SLC6A16: variants seen among roughly 807,000 people sequenced by gnomAD.
The protein encoded by SLC6A16 is orphan sodium- and chloride-dependent neurotransmitter transporter NTT5.
SLC6A16 carries 54 observed loss-of-function variants against 65.4 expected under a neutral mutation model. That is an observed-to-expected ratio of 0.83 (90% confidence interval 0.66 to 1.04). The LOEUF (loss-of-function observed/expected upper bound fraction) is 1.04. Among genes scored for constraint, SLC6A16 ranks in the 50% least tolerant of loss-of-function variants. SLC6A16 has a pLI of 0.00. For synonymous variants in SLC6A16, 330 were observed against 346.5 expected, an observed-to-expected ratio of 0.95 and a Z score of 0.53; for missense variants, 816 against 914.0, an observed-to-expected ratio of 0.89 and a Z score of 1.38.
At chr19:49,331,831 G>A in the SLC6A16 span, 1 of 456,988 alleles carries the variant, frequency 2.2e-6, no homozygotes, top group African/African-American at 2.0e-5. Flanking sequence ...CCTCCTGTGT[G>A]CCTAGGAAAG....
chr19:49,337,304 A>T, the SLC6A16 span: 1 of 1,340,438 alleles, frequency 7.5e-7, no homozygotes, highest in Non-Finnish European at 1.1e-6. Flanking sequence ...AGAGAGACCG[A>T]AACAAGGGCA....
At chr19:49,340,098 C>A in the SLC6A16 span, 1 of 1,529,600 alleles carries the variant, frequency 6.5e-7, no homozygotes, top group East Asian at 2.4e-5. Context: ...CGGCAGTTCC[C>A]GTCGAGCCCC....
intron 7 of SLC6A16, among the ~76,000 whole-genome samples, chr19:49,298,264 G>T (rs1316392380): frequency 6.6e-6 from 1 of 152,136 alleles, no homozygotes; most frequent in Non-Finnish European, 1.5e-5. Context: ...AGATAAGTGG[G>T]ATCCAATTAA....
chr19:49,310,332 G>A, intron 3 of SLC6A16, 21 bp downstream of exon 3: 1 of 1,613,244 alleles, frequency 6.2e-7, no homozygotes, highest in Non-Finnish European at 8.5e-7. Context: ...AGTCAGGCCT[G>A]GGCAGCCATG....
At position 49,302,600 on chromosome 19, in the gene SLC6A16, C is replaced by T. The variant is rs1961705160; in HGVS notation, c.1229+6276G>A. 1.3e-5 allele frequency among the ~76,000 whole-genome samples: 2 copies of T among 152,208 alleles called. 1 individual carries two copies. The highest frequency in any genetic ancestry group is 1.3e-4 in the Admixed American group (2 of 15,284). On this transcript the variant is annotated intron_variant, in intron 7 of 11. Coordinates refer to ENST00000335875, the MANE Select transcript of SLC6A16 (RefSeq NM_014037.3). The stretch of plus-strand genomic sequence containing the variant: ...ATGAAGAATTGGAGAATCATGATAA[C>T]ACCAAAGGAAAACAATAAACTTCCA...
rs369609737 is a variant in SLC6A16 at position 49,290,701 on chromosome 19, G to A, written c.1845C>T (p.Pro615=). 21 of 1,613,666 alleles carry A rather than the reference G, an allele frequency of 1.3e-5. No individual in the cohort carries two copies. The African/African-American group carries it at 2.7e-4, about 21-fold the overall frequency. ...TTAGCAGCACAACTGGACACAGATG[G>A]GGCCACAGCCAACCAAAGATGGGAG... The part of the protein sequence containing the change: ...PISPIFGWLW[P]HLCPVVLLII... The change falls in exon 11 of 12, where the codon CCC becomes CCT. Residue 615 remains proline, a synonymous_variant. Coordinates refer to ENST00000335875, the MANE Select transcript of SLC6A16 (RefSeq NM_014037.3).
intron 7 of SLC6A16, among the ~76,000 whole-genome samples, chr19:49,301,450 C>T (rs1970290863): frequency 6.6e-6 from 1 of 152,186 alleles, no homozygotes; most frequent in African/African-American, 2.4e-5. Flanking sequence ...ACAGCGCCCC[C>T]TAGTGGCCTG....
intron 1 of SLC6A16, among the ~76,000 whole-genome samples, chr19:49,322,221 A>C (rs1970723575): frequency 6.6e-6 from 1 of 152,234 alleles, no homozygotes; most frequent in Admixed American, 6.5e-5. Context: ...AATTCAGCAA[A>C]GTAGCAGGAT....
At chr19:49,300,899 A>G (rs923919357) in intron 7 of SLC6A16, among the ~76,000 whole-genome samples, 5 of 152,070 alleles carry the variant, frequency 3.3e-5, no homozygotes, top group Admixed American at 2.0e-4. Context: ...AAAAAATACA[A>G]AAATTAGCTG....
Position 49,311,364 on chromosome 19 carries a change from GGGGCAGCTCCCGC to G in SLC6A16, c.-30_-18del, listed in dbSNP as rs1265179750. On this transcript the variant is annotated 5_prime_UTR_variant, in exon 2 of 12. It introduces an in-frame stop codon into an upstream open reading frame of the 5' UTR. Coordinates refer to ENST00000335875, the MANE Select transcript of SLC6A16 (RefSeq NM_014037.3). ...TGTCTTCATCTCACACAGACTCTCT[GGGGCAGCTCCCGC>G]TTCTGCAAGGGAGGGTTCATCTTCC... is the stretch of plus-strand genomic sequence containing the variant. 6.5e-7 allele frequency: 1 copy of G among 1,540,406 alleles called. No individual in the cohort carries two copies. Among genetic ancestry groups the G allele is most frequent in the Non-Finnish European group, 8.7e-7 (1 of 1,144,946 alleles).
rs537332627 is a variant in SLC6A16, at chr19:49,299,162, C to T, written c.1230-4609G>A. Among the ~76,000 whole-genome samples, 34 of 151,380 alleles carry T rather than the reference C, an allele frequency of 2.2e-4. 1 individual carries two copies. In the South Asian group the frequency reaches 2.5e-3, roughly 11 times the overall value. ...TCGGGAGGCTGAGGCAGGAGAATGG[C>T]GTGAACCCGGGAGGCAGAGGTTACA... On this transcript the variant is annotated intron_variant, in intron 7 of 11. Coordinates refer to ENST00000335875, the MANE Select transcript of SLC6A16 (RefSeq NM_014037.3).
intron 7 of SLC6A16, among the ~76,000 whole-genome samples, chr19:49,305,339 C>A (rs1050823482): frequency 6.6e-6 from 1 of 152,166 alleles, no homozygotes; most frequent in Non-Finnish European, 1.5e-5. Context: ...CGCCTGTAAT[C>A]CCAGCACTTT....
chr19:49,306,005 A>G (rs1309285060), intron 7 of SLC6A16: 1 of 152,220 alleles, frequency 6.6e-6, no homozygotes, highest in African/African-American at 2.4e-5. Flanking sequence ...AGCATTTTAA[A>G]AGCACAGATT....
rs965680848 is a variant in SLC6A16, at chr19:49,293,740, G to A, written c.1618+87C>T. ...GATCACACCACTGCACTCCAGCCTG[G>A]GCTACAGGGACCCTGTCCCAAAAAA... On this transcript the variant is annotated intron_variant, in intron 9 of 11. Coordinates refer to ENST00000335875, the MANE Select transcript of SLC6A16 (RefSeq NM_014037.3). 2.5e-6 allele frequency: 3 copies of A among 1,196,390 alleles called. No homozygotes were observed. In the South Asian group the frequency reaches 3.7e-5, roughly 15 times the overall value. 74.1% of individuals were successfully genotyped at this position (1,196,390 alleles called of 1,614,324 possible).
chr19:49,312,649 G>A (rs1970544531), intron 1 of SLC6A16: 1 of 851,350 alleles, frequency 1.2e-6, no homozygotes, highest in South Asian at 5.5e-5. Flanking sequence ...GGAAGAGAGA[G>A]GGGAAACTGG....
chr19:49,339,001 T>C, the SLC6A16 span: 1 of 1,277,120 alleles, frequency 7.8e-7, no homozygotes, highest in Non-Finnish European at 1.1e-6. The surrounding 1 kb of genome is among the most constrained non-coding windows in gnomAD (Gnocchi z 4.5). Flanking sequence ...GGGAGGGCTG[T>C]CAGTGAGTAG....
chr19:49,301,612 T>A (rs1007665027), intron 7 of SLC6A16, among the ~76,000 whole-genome samples: 1 of 152,198 alleles, frequency 6.6e-6, no homozygotes, highest in Non-Finnish European at 1.5e-5. Flanking sequence ...ACCAAGCAGC[T>A]TTCACAGCTG....
the SLC6A16 span, chr19:49,335,728 G>T: frequency 2.5e-6 from 4 of 1,612,694 alleles, no homozygotes; most frequent in Non-Finnish European, 3.4e-6. The surrounding 1 kb of genome is among the most constrained non-coding windows in gnomAD (Gnocchi z 4.6). Flanking sequence ...TCGGCAGCCT[G>T]ATCTTCTGCT....
chr19:49,293,422 C>A (rs376580417), intron 9 of SLC6A16, 40 bp from the exon 10 acceptor site: 1 of 1,605,770 alleles, frequency 6.2e-7, no homozygotes, highest in African/African-American at 1.3e-5. Context: ...TTAGAAGTCA[C>A]GGCTGGGTGA....
Sources: gnomAD v4.1 joint callset for allele counts (sites outside exome capture counted in the v4.1 genomes callset) on GRCh38, gnomAD v4.1.1 for gene constraint, Gnocchi (gnomAD v3.1) non-coding constraint, MANE v1.5 for transcripts, NCBI Gene and HGNC (gene_info 2026-07-23, HGNC 2026-07-21) for gene names.